The following PLCH1 variants were observed in gnomAD, a reference collection of about 807,000 sequenced individuals.
PLCH1 encodes the protein 1-phosphatidylinositol 4,5-bisphosphate phosphodiesterase eta-1.
Under a neutral mutation model 126.7 loss-of-function variants are expected in PLCH1, and 60 were observed. The ratio of observed to expected loss-of-function variants is 0.47; its 90% CI spans 0.38 to 0.59. The LOEUF is 0.59. PLCH1 is among the 20% of genes least tolerant of loss of function. The pLI, the probability that PLCH1 is intolerant of heterozygous loss-of-function variation, is 0.00. For synonymous variants in PLCH1, 719 were observed against 734.9 expected (o/e 0.98, Z 0.35); for missense variants, 1,723 against 2,040.0 (o/e 0.84, Z 2.99).
intron 2 of PLCH1, among the ~76,000 whole-genome samples, chr3:155,628,242 C>T (rs567410948): frequency 1.4e-4 from 21 of 151,340 alleles, no homozygotes; most frequent in African/African-American, 5.1e-4. Context: ...GCAGGAATGA[C>T]TCTCTGACCT....
intron 2 of PLCH1, among the ~76,000 whole-genome samples, chr3:155,601,370 A>G (rs1296294874): frequency 6.6e-6 from 1 of 152,186 alleles, no homozygotes; most frequent in African/African-American, 2.4e-5. Context: ...CTTAGGGGCT[A>G]TAAGGTCACT....
At position 155,594,120 on chromosome 3, in the gene PLCH1, A is replaced by G; in HGVS notation, c.291T>C (p.Ala97=). 1 of 1,614,068 alleles carries G rather than the reference A, an allele frequency of 6.2e-7. No homozygotes were observed. The highest frequency in any genetic ancestry group is 1.1e-5 in the South Asian group (1 of 91,072). Residue 97 remains alanine, a synonymous_variant, in exon 4 of 23, where the codon GCT becomes GCC. Transcript: ENST00000460012. ...GRQSEIFHRQ[A]EGNFDPSCCF... ...AGCAGCTGGGGTCGAAGTTCCCCTCAGCTTGTCTGTGGAATATTTCAGACT... is the reference window on the plus strand; with the variant it reads ...AGCAGCTGGGGTCGAAGTTCCCCTCGGCTTGTCTGTGGAATATTTCAGACT...
intron 2 of PLCH1, among the ~76,000 whole-genome samples, chr3:155,649,905 G>A (rs1740510305): frequency 6.6e-6 from 1 of 152,132 alleles, no homozygotes; most frequent in African/African-American, 2.4e-5. Flanking sequence ...ATGAACCCGG[G>A]AGGCGGAGCT....
At chr3:155,587,592 T>C (rs1281853536) in intron 4 of PLCH1, among the ~76,000 whole-genome samples, 1 of 152,212 alleles carries the variant, frequency 6.6e-6, no homozygotes, top group Admixed American at 6.5e-5. Context: ...GGGCAGGTAA[T>C]GTGAAGTACA....
At chr3:155,712,862 C>T (rs183022582) in intron 1 of PLCH1, among the ~76,000 whole-genome samples, 373 of 151,764 alleles carry the variant, frequency 2.5e-3, no homozygotes, top group Non-Finnish European at 3.7e-3. Context: ...TCTACTTTAT[C>T]ACCACCAGAG....
chr3:155,637,444 C>A (rs1284796771), intron 2 of PLCH1, among the ~76,000 whole-genome samples: 2 of 152,046 alleles, frequency 1.3e-5, no homozygotes, highest in Non-Finnish European at 2.9e-5. Flanking sequence ...TGAGAAAAGT[C>A]CTAAGGATGA....
At chr3:155,518,164 C>T (rs1007398576) in intron 11 of PLCH1, among the ~76,000 whole-genome samples, 9 of 152,174 alleles carry the variant, frequency 5.9e-5, no homozygotes, top group African/African-American at 2.2e-4. Flanking sequence ...TCACAACTTA[C>T]AAATTGTTTA....
rs752346791 is a variant in PLCH1 at position 155,494,192 on chromosome 3, T to G, written c.2131A>C (p.Lys711Gln). ...ACATAGCCACAATTGCCATTTGCCTTGAATTTGGCTCGGTTTAACTGCATC... is the reference window on the plus strand; with the variant it reads ...ACATAGCCACAATTGCCATTTGCCTGGAATTTGGCTCGGTTTAACTGCATC... Reference protein sequence around the residue: ...RMMQLNRAKFKANGNCGYVLK... With the variant: ...RMMQLNRAKFQANGNCGYVLK... The change falls in exon 17 of 23, where the codon AAG becomes CAG. Residue 711 changes from lysine (K) to glutamine (Q), a missense_variant. Coordinates refer to ENST00000460012, the MANE Select transcript of PLCH1 (RefSeq NM_014996.4). 1.2e-6 allele frequency: 2 copies of G among 1,614,178 alleles called. 1 individual carries two copies. The highest frequency in any genetic ancestry group is 1.7e-6 in the Non-Finnish European group (2 of 1,179,996).
chr3:155,708,516 C>T (rs943382975), intron 1 of PLCH1, among the ~76,000 whole-genome samples: 8 of 152,220 alleles, frequency 5.3e-5, no homozygotes, highest in Admixed American at 3.9e-4. Context: ...ATGGGAAACC[C>T]AGCCTCAGCA....
chr3:155,471,168 T>C (rs1713210279), intron 21 of PLCH1, among the ~76,000 whole-genome samples: 1 of 152,154 alleles, frequency 6.6e-6, no homozygotes, highest in Non-Finnish European at 1.5e-5. Flanking sequence ...CAGTGTGCTG[T>C]ATTCAGGAAA....
chr3:155,464,560 T>C (rs959218641), intron 21 of PLCH1, among the ~76,000 whole-genome samples: 4 of 152,124 alleles, frequency 2.6e-5, no homozygotes, highest in Non-Finnish European at 4.4e-5. Flanking sequence ...AGGTACTTCC[T>C]GGATTCTGCA....
chr3:155,639,259 G>C (rs1739107853), intron 2 of PLCH1, among the ~76,000 whole-genome samples: 1 of 152,046 alleles, frequency 6.6e-6, no homozygotes, highest in African/African-American at 2.4e-5. Context: ...AGGAGTTCGA[G>C]ACCAGCCTGG....
chr3:155,561,318 G>A lies in PLCH1; in HGVS notation c.1069+3597C>T, dbSNP rs1398872685. 4.6e-5 allele frequency among the ~76,000 whole-genome samples: 6 copies of A among 130,344 alleles called. No homozygotes were observed. In the South Asian group the frequency reaches 7.1e-4, roughly 15 times the overall value. The allele number at this position is 130,344 out of a possible 152,430, so 85.5% of individuals were successfully genotyped here. A position where few individuals can be genotyped will look rare whatever the true frequency, so the allele number is the denominator to read the frequency against. On this transcript the variant is annotated intron_variant, in intron 8 of 22. Coordinates refer to ENST00000460012, the MANE Select transcript of PLCH1 (RefSeq NM_014996.4). ...CCCACAACAGTCCCCAGAGTGTGAT[G>A]TTCCCCTTCCTGTGTCCATGTGCTC... is the stretch of plus-strand genomic sequence containing the variant.
chr3:155,742,783 A>C (rs1749723234), intron 1 of PLCH1: 1 of 152,730 alleles, frequency 6.5e-6, no homozygotes. Flanking sequence ...GAGATGGGAG[A>C]CAACTTTAAC....
intron 12 of PLCH1, among the ~76,000 whole-genome samples, chr3:155,512,603 A>G (rs1355651612): frequency 6.6e-6 from 1 of 152,202 alleles, no homozygotes; most frequent in African/African-American, 2.4e-5. Flanking sequence ...CCAAGAAAAC[A>G]GCCAATATGA....
intron 2 of PLCH1, among the ~76,000 whole-genome samples, chr3:155,640,025 C>T (rs941299768): frequency 1.3e-5 from 2 of 152,214 alleles, no homozygotes; most frequent in Non-Finnish European, 2.9e-5. Context: ...GCTTTCTGTA[C>T]AGCCTGCAGA....
chr3:155,618,535 T>G (rs1272790169), intron 2 of PLCH1, among the ~76,000 whole-genome samples: 1 of 152,218 alleles, frequency 6.6e-6, no homozygotes, highest in African/African-American at 2.4e-5. Flanking sequence ...CATTAACATT[T>G]GTTTTTCTTG....
At chr3:155,651,015 G>A (rs1481591267) in intron 2 of PLCH1, among the ~76,000 whole-genome samples, 2 of 151,776 alleles carry the variant, frequency 1.3e-5, no homozygotes, top group East Asian at 1.9e-4. Flanking sequence ...TCCAGCCTGG[G>A]CAACAGAGCG....
chr3:155,639,228 G>A (rs935950422), intron 2 of PLCH1, among the ~76,000 whole-genome samples: 1 of 152,134 alleles, frequency 6.6e-6, no homozygotes, highest in South Asian at 2.1e-4. Flanking sequence ...GGAGGCCAAC[G>A]CGGGAAGATC....
Sources: allele counts gnomAD v4.1 joint callset (sites outside exome capture counted in the v4.1 genomes callset), GRCh38; gene constraint gnomAD v4.1.1; transcripts MANE v1.5; gene names NCBI Gene and HGNC (gene_info 2026-07-23, HGNC 2026-07-21).